Variants in TTYH2 observed in about 807,000 individuals in gnomAD.
TTYH2 encodes protein tweety homolog 2.
A neutral mutation model predicts 68.3 loss-of-function variants in TTYH2; 49 were observed. The observed-to-expected ratio is 0.72, with a 90% CI of 0.57 to 0.91. The LOEUF (loss-of-function observed/expected upper bound fraction) is 0.91. TTYH2 is among the 40% of genes least tolerant of loss of function. The probability of loss-of-function intolerance (pLI) is 0.00; values close to 1 mark genes in which losing one functional copy is unlikely to be tolerated. For synonymous variants in TTYH2, 272 were observed against 300.8 expected, an observed-to-expected ratio of 0.90 and a Z score of 0.99; for missense variants, 631 against 700.4, an observed-to-expected ratio of 0.90 and a Z score of 1.12.
chr17:74,248,631 C>A (rs2050586003), intron 6 of TTYH2: 1 of 1,119,334 alleles, frequency 8.9e-7, no homozygotes, highest in Non-Finnish European at 1.1e-6. Context: ...CCCACACACA[C>A]AGCCTGCAGC....
chr17:74,240,396 G>A (rs971624173), intron 4 of TTYH2, among the ~76,000 whole-genome samples: 9 of 151,252 alleles, frequency 6.0e-5, no homozygotes, highest in Non-Finnish European at 1.0e-4. Context: ...CCGAGATTGC[G>A]CCACTGCACT....
chr17:74,253,821 C>A lies in TTYH2; in HGVS notation c.1512C>A (p.Ser504=), dbSNP rs144976577. Residue 504 remains serine (S), a synonymous_variant, in exon 13 of 14, where the codon TCC becomes TCA. Transcript: ENST00000269346. The part of the protein sequence containing the change: ...YENVPLIGRA[S]PPPTYSPSMR... ...ACGTGCCACTAATCGGGAGAGCCTC[C>A]CCTCCGCCTACGGTAATTGGGGCTC... is the stretch of plus-strand genomic sequence containing the variant. 1 of 1,614,244 alleles carries A rather than the reference C, an allele frequency of 6.2e-7. No individual in the cohort carries two copies. Among genetic ancestry groups the A allele is most frequent in the East Asian group, 2.2e-5 (1 of 44,878 alleles).
chr17:74,235,886 A>C (rs1397783846), intron 3 of TTYH2, among the ~76,000 whole-genome samples: 1 of 143,056 alleles, frequency 7.0e-6, no homozygotes, highest in Non-Finnish European at 1.5e-5. Flanking sequence ...ACAGAGCGAG[A>C]CTCCATCTCA....
intron 4 of TTYH2, among the ~76,000 whole-genome samples, chr17:74,240,036 A>C (rs910951838): frequency 6.6e-6 from 1 of 152,212 alleles, no homozygotes; most frequent in Non-Finnish European, 1.5e-5. Flanking sequence ...CTTATTGTTA[A>C]GGCGATGGTA....
At chr17:74,225,193 ACGTGCAAAGGC>A (rs1387468469) in intron 2 of TTYH2, among the ~76,000 whole-genome samples, 2 of 151,782 alleles carry the variant, frequency 1.3e-5, no homozygotes, top group Non-Finnish European at 2.9e-5. Flanking sequence ...GGGAAGAGGA[ACGTGCAAAGGC>A]CCAGAGGCAG....
intron 6 of TTYH2, among the ~76,000 whole-genome samples, chr17:74,247,646 C>G (rs553924922): frequency 1.3e-5 from 2 of 152,340 alleles, no homozygotes; most frequent in African/African-American, 4.8e-5. Context: ...TGGCCTCGCT[C>G]TTTATTTCCC....
chr17:74,238,192 C>T (rs1397208594), intron 4 of TTYH2, among the ~76,000 whole-genome samples: 1 of 152,156 alleles, frequency 6.6e-6, no homozygotes, highest in Non-Finnish European at 1.5e-5. Flanking sequence ...GGTTCCTCGC[C>T]TGCCAGAGTT....
chr17:74,234,587 G>A (rs1247841379), intron 3 of TTYH2, among the ~76,000 whole-genome samples: 1 of 152,170 alleles, frequency 6.6e-6, no homozygotes, highest in Non-Finnish European at 1.5e-5. Context: ...TTTTAGTTTT[G>A]TTTCCTGTGG....
chr17:74,229,796 T>C (rs1296022028), intron 2 of TTYH2, among the ~76,000 whole-genome samples: 1 of 152,206 alleles, frequency 6.6e-6, no homozygotes, highest in African/African-American at 2.4e-5. Flanking sequence ...TTCAACTCTA[T>C]GACATTCTGA....
intron 13 of TTYH2, among the ~76,000 whole-genome samples, chr17:74,257,468 C>T (rs114152072): frequency 0.016 from 2,397 of 152,254 alleles, 67 homozygotes; most frequent in African/African-American, 0.054. Flanking sequence ...GCTGGCTGCG[C>T]CCCACCCTCC....
intron 2 of TTYH2, among the ~76,000 whole-genome samples, chr17:74,224,393 C>CAA (rs1186425275): frequency 6.6e-6 from 1 of 152,032 alleles, no homozygotes; most frequent in Non-Finnish European, 1.5e-5. Context: ...CTTACACACA[C>CAA]ACACACACAC....
chr17:74,215,629 C>G lies in TTYH2; in HGVS notation c.129+1913C>G. Reference sequence around the variant, plus strand: ...TCCCGCTCACCCCCTCACCACCACTCAGATCGCTGAGTAGGAGATGAGCGT... The same window carrying G: ...TCCCGCTCACCCCCTCACCACCACTGAGATCGCTGAGTAGGAGATGAGCGT... On this transcript the variant is annotated intron_variant, in intron 1 of 13. Coordinates refer to ENST00000269346, the MANE Select transcript of TTYH2 (RefSeq NM_032646.6). The surrounding 1 kb of genome is among the most constrained non-coding windows in gnomAD (Gnocchi z 4.3). 2 of 1,535,672 alleles carry G rather than the reference C, an allele frequency of 1.3e-6. No homozygotes were observed.
chr17:74,253,268 T>C lies in TTYH2; in HGVS notation c.1445+2T>C. On this transcript the variant is annotated splice_donor_variant, in intron 12 of 13. Transcript: ENST00000269346. LOFTEE classifies it high-confidence loss of function. ...CAACGCCCCTGTCTCCGAGTACATG[T>C]ACGGCCTGCACACACACCCAGGCTG... The C allele has an allele frequency of 3.8e-6, 6 of 1,591,602 alleles. No individual in the cohort carries two copies. The highest frequency in any genetic ancestry group is 5.1e-6 in the Non-Finnish European group (6 of 1,169,734).
intron 2 of TTYH2, among the ~76,000 whole-genome samples, chr17:74,226,669 G>A (rs2050333546): frequency 6.6e-6 from 1 of 152,122 alleles, no homozygotes; most frequent in African/African-American, 2.4e-5. Flanking sequence ...CTGAAAGCGG[G>A]GGATTGAATC....
chr17:74,241,130 A>T lies in TTYH2; in HGVS notation c.636-2244A>T, dbSNP rs2050495581. On this transcript the variant is annotated intron_variant, in intron 4 of 13. Coordinates refer to ENST00000269346, the MANE Select transcript of TTYH2 (RefSeq NM_032646.6). This position sits in a 1 kb window ranked among gnomAD's most constrained non-coding sequence, Gnocchi z 4.1. ...CAGGGGCCTTGGCTTTCTAATCTGT[A>T]CTAATCTGTAGAATGGGATCCAGCT... Among the ~76,000 whole-genome samples, 1 of 152,104 alleles carries T rather than the reference A, an allele frequency of 6.6e-6. No individual in the cohort carries two copies. The highest frequency in any genetic ancestry group is 1.5e-5 in the Non-Finnish European group (1 of 68,028).
In TTYH2 at chr17:74,215,713, G is replaced by A. The variant is rs1567807911; in HGVS notation, c.129+1997G>A. ...TTATTTAAGGTGGCTCCTGTTTTTG[G>A]TAAGTTCCCCTGTTGTGACCACAGG... On this transcript the variant is annotated intron_variant, in intron 1 of 13. Transcript: ENST00000269346. The surrounding 1 kb of genome is among the most constrained non-coding windows in gnomAD (Gnocchi z 4.3). 6.5e-7 allele frequency: 1 copy of A among 1,535,638 alleles called. No homozygotes were observed. Among genetic ancestry groups the A allele is most frequent in the Non-Finnish European group, 8.7e-7 (1 of 1,146,884 alleles).
At chr17:74,233,540 A>ACAGGTCAGG (rs918380313) in intron 3 of TTYH2, among the ~76,000 whole-genome samples, 12 of 152,136 alleles carry the variant, frequency 7.9e-5, no homozygotes, top group Admixed American at 2.0e-4. Flanking sequence ...GGACTCGTCG[A>ACAGGTCAGG]CAGGTCAGGC....
intron 2 of TTYH2, among the ~76,000 whole-genome samples, chr17:74,226,071 A>G (rs1384025856): frequency 1.3e-5 from 2 of 152,220 alleles, no homozygotes; most frequent in Non-Finnish European, 2.9e-5. Context: ...TGGCAGTGCT[A>G]TCCTCCAAGG....
At chr17:74,249,202 C>A in intron 7 of TTYH2, 122 bp downstream of exon 7, 1 of 1,561,474 alleles carries the variant, frequency 6.4e-7, no homozygotes, top group Non-Finnish European at 8.8e-7. Context: ...TCAAGTCCAG[C>A]TCATGCTCTA....
Sources: allele counts gnomAD v4.1 joint callset (sites outside exome capture counted in the v4.1 genomes callset), GRCh38; gene constraint gnomAD v4.1.1; non-coding constraint Gnocchi (gnomAD v3.1); transcripts MANE v1.5; gene names NCBI Gene and HGNC (gene_info 2026-07-23, HGNC 2026-07-21).